CRISP2: variants seen among roughly 807,000 people sequenced by gnomAD.
CRISP2 encodes the protein cysteine-rich secretory protein 2.
CRISP2 carries 29 observed loss-of-function variants against 31.7 expected under a neutral mutation model. The observed-to-expected ratio is 0.92, with a 90% CI of 0.68 to 1.25. The LOEUF is 1.25. CRISP2 is among the 50% of genes most tolerant of loss of function. The pLI is 0.00. For missense variants in CRISP2, 318 were observed against 286.5 expected, an observed-to-expected ratio of 1.11 and a Z score of -0.79; for synonymous variants, 111 against 101.4, an observed-to-expected ratio of 1.09 and a Z score of -0.57.
At chr6:49,682,703 T>TTTTTTCTCTTTC in the CRISP2 span, among the ~76,000 whole-genome samples, 2 of 149,910 alleles carry the variant, frequency 1.3e-5, no homozygotes, top group African/African-American at 2.5e-5. Flanking sequence ...TTTCTTTTTC[T>TTTTTTCTCTTTC]TTTTTCTCTT....
chr6:49,679,257 T>C, the CRISP2 span, among the ~76,000 whole-genome samples: 1 of 152,154 alleles, frequency 6.6e-6, no homozygotes, highest in African/African-American at 2.4e-5. Flanking sequence ...TTACAATTGA[T>C]TTTTAACCTA....
intron 4 of CRISP2, among the ~76,000 whole-genome samples, chr6:49,702,014 T>C (rs1416276456): frequency 2.9e-5 from 3 of 102,762 alleles, no homozygotes; most frequent in African/African-American, 1.2e-4. Context: ...TACATATTAA[T>C]GTATACATTA....
chr6:49,686,704 T>C, the CRISP2 span, among the ~76,000 whole-genome samples: 2 of 152,184 alleles, frequency 1.3e-5, no homozygotes, highest in South Asian at 4.1e-4. Flanking sequence ...CATTACTGGG[T>C]ATATACCCAA....
At chr6:49,689,082 G>A (rs1488027938), downstream of CRISP2, among the ~76,000 whole-genome samples, 3 of 152,088 alleles carry the variant, frequency 2.0e-5, no homozygotes, top group Non-Finnish European at 2.9e-5. Context: ...ATGTTGATCA[G>A]GCTGACCTGA....
At chr6:49,697,998 G>T in intron 7 of CRISP2, 41 bp from the exon 8 acceptor site, 1 of 1,424,662 alleles carries the variant, frequency 7.0e-7, no homozygotes, top group Non-Finnish European at 9.6e-7. Flanking sequence ...AAGTACATTA[G>T]AGAAGATGAA....
chr6:49,703,786 T>C (rs1322947458), intron 4 of CRISP2, among the ~76,000 whole-genome samples: 2 of 152,200 alleles, frequency 1.3e-5, no homozygotes, highest in South Asian at 2.1e-4. Flanking sequence ...GCTCGTAATA[T>C]TCTTTTCTTG....
At chr6:49,678,871 C>T in the CRISP2 span, among the ~76,000 whole-genome samples, 3 of 152,098 alleles carry the variant, frequency 2.0e-5, no homozygotes, top group East Asian at 5.8e-4. Flanking sequence ...CCTGACTCCT[C>T]AAAATGATCG....
rs760561522 is a variant in CRISP2 at position 49,709,172 on chromosome 6, G to T, written c.25C>A (p.Leu9Met). ...AAAGATGGAAGCAGCACAGTAACCA[G>T]AAACAACACCGGTAGTAAAGCCATT... Reference protein sequence around the residue: MALLPVLFLVTVLLPSLPA... With the variant: MALLPVLFMVTVLLPSLPA... Residue 9 changes from leucine (L) to methionine (M), a missense_variant, in exon 4 of 10, where the codon CTG (leucine) becomes ATG (methionine). Leu to Met is a conservative substitution (Grantham distance 15, BLOSUM62 2). Transcript: ENST00000339139. 1.5e-5 allele frequency: 25 copies of T among 1,613,502 alleles called. No homozygotes were observed. The highest frequency in any genetic ancestry group is 2.0e-5 in the Non-Finnish European group (24 of 1,179,862).
the CRISP2 span, among the ~76,000 whole-genome samples, chr6:49,682,112 T>C: frequency 2.0e-5 from 3 of 152,188 alleles, no homozygotes; most frequent in Admixed American, 2.0e-4. Context: ...CTGGCATCTA[T>C]ACTATACTAT....
the CRISP2 span, among the ~76,000 whole-genome samples, chr6:49,682,252 G>T: frequency 3.3e-5 from 5 of 151,982 alleles, no homozygotes; most frequent in East Asian, 3.9e-4. Context: ...AGGTGGTATT[G>T]TGGCTTTAGG....
the CRISP2 span, among the ~76,000 whole-genome samples, chr6:49,682,492 TCC>T: frequency 1.8e-5 from 2 of 109,780 alleles, no homozygotes; most frequent in Non-Finnish European, 3.5e-5. Context: ...CTCCTCCTCC[TCC>T]TATTCCTCCT....
chr6:49,681,086 G>C, the CRISP2 span, among the ~76,000 whole-genome samples: 1 of 152,050 alleles, frequency 6.6e-6, no homozygotes, highest in African/African-American at 2.4e-5. Context: ...TGCCCTAAAT[G>C]GTATTTCCTA....
At chr6:49,708,772 C>T (rs1283603733) in intron 4 of CRISP2, among the ~76,000 whole-genome samples, 1 of 152,048 alleles carries the variant, frequency 6.6e-6, no homozygotes, top group East Asian at 1.9e-4. Context: ...ATGGAATATC[C>T]AAAATATTAT....
intron 8 of CRISP2, among the ~76,000 whole-genome samples, chr6:49,697,385 T>A (rs1168191233): frequency 7.3e-6 from 1 of 137,274 alleles, no homozygotes. Flanking sequence ...ATGAATAATT[T>A]GTAATGGTAA....
At chr6:49,692,037 G>T (rs1173082782), downstream of CRISP2, among the ~76,000 whole-genome samples, 2 of 152,042 alleles carry the variant, frequency 1.3e-5, no homozygotes, top group Admixed American at 6.6e-5. Flanking sequence ...TTTCTTGGAA[G>T]GCTGTATTTG....
chr6:49,693,715 T>G (rs531396597), intron 9 of CRISP2, among the ~76,000 whole-genome samples: 31 of 152,342 alleles, frequency 2.0e-4, no homozygotes, highest in Non-Finnish European at 3.4e-4. Context: ...TAATGAATTC[T>G]GCTGTTGAGA....
chr6:49,706,087 T>C (rs1206093472), intron 4 of CRISP2, among the ~76,000 whole-genome samples: 2 of 152,220 alleles, frequency 1.3e-5, no homozygotes. Flanking sequence ...GAACTTTTAA[T>C]ATGATTTGTA....
the CRISP2 span, among the ~76,000 whole-genome samples, chr6:49,679,534 C>G: frequency 0.74 from 112,140 of 152,016 alleles, 42,172 homozygotes; most frequent in East Asian, 0.97. Context: ...AGAGTCCTGT[C>G]CTGGGTGGAA....
At chr6:49,686,930 A>G in the CRISP2 span, among the ~76,000 whole-genome samples, 1 of 152,158 alleles carries the variant, frequency 6.6e-6, no homozygotes, top group Admixed American at 6.5e-5. Flanking sequence ...GGAAACCATC[A>G]TTCTCAGCAA....
Sources: allele counts gnomAD v4.1 joint callset (sites outside exome capture counted in the v4.1 genomes callset), GRCh38; gene constraint gnomAD v4.1.1; transcripts MANE v1.5; gene names NCBI Gene and HGNC (gene_info 2026-07-23, HGNC 2026-07-21).